Variants in SPG11 observed in about 807,000 individuals in gnomAD.
The protein encoded by SPG11 is SPG11 vesicle trafficking associated, spatacsin, also known as spatacsin.
A neutral mutation model predicts 274.0 loss-of-function variants in SPG11; 222 were observed. That is an observed-to-expected ratio of 0.81 (90% CI 0.73 to 0.91). SPG11 has a LOEUF of 0.91. SPG11 is among the 40% of genes least tolerant of loss of function. The pLI, the probability that SPG11 is intolerant of heterozygous loss-of-function variation, is 0.00. For missense variants in SPG11, 3,114 were observed against 2,872.7 expected (o/e 1.08, Z -1.92); for synonymous variants, 1,144 against 1,039.7 (o/e 1.10, Z -1.93).
chr15:44,571,234 C>A (rs192288619), intron 33 of SPG11, among the ~76,000 whole-genome samples: 2 of 152,288 alleles, frequency 1.3e-5, no homozygotes, highest in African/African-American at 4.8e-5. Context: ...ATCTGCAGGG[C>A]CCTCTCCAGT....
intron 7 of SPG11, among the ~76,000 whole-genome samples, chr15:44,638,480 A>G (rs1301201786): frequency 6.8e-6 from 1 of 147,112 alleles, no homozygotes; most frequent in East Asian, 2.1e-4. Flanking sequence ...AAACAAACAA[A>G]CAACAAAAAA....
At position 44,589,344 on chromosome 15, in the gene SPG11, A is replaced by C. The variant is rs1260241430; in HGVS notation, c.4814T>G (p.Leu1605Arg). The C allele has an allele frequency of 6.2e-7, 1 of 1,614,180 alleles. No homozygotes were observed. Among genetic ancestry groups the C allele is most frequent in the Admixed American group, 1.7e-5 (1 of 60,016 alleles). Residue 1605 changes from leucine (L) to arginine (R), a missense_variant, in exon 28 of 40, where the codon CTT (leucine) becomes CGT (arginine). Coordinates refer to ENST00000261866, the MANE Select transcript of SPG11 (RefSeq NM_025137.4). The stretch of plus-strand genomic sequence containing the variant: ...ACACTGCTGTAGCATAAGCTTCAAA[A>C]GGAAACACACCTGATCCTCCAGCCA... ...AMWLEDQVCFLLKLMLQQCKT... is the reference protein window; with the variant it reads ...AMWLEDQVCFRLKLMLQQCKT...
intron 12 of SPG11, 87 bp from the exon 13 acceptor site, chr15:44,622,434 T>A (rs1252817803): frequency 4.6e-6 from 5 of 1,092,954 alleles, no homozygotes; most frequent in Non-Finnish European, 6.6e-6. Flanking sequence ...AATAAGGTAG[T>A]GCTGGGAATT....
chr15:44,598,775 T>C lies in SPG11; in HGVS notation c.3748A>G (p.Ile1250Val), dbSNP rs2140978260. ...IGLSSFHIPS[I>V]GAACVCFLEL... ...AAGAAACAAACACATGCAGCTCCTA[T>C]TGAAGGTATGTGGAAGGAGGAGAGC... Residue 1250 changes from isoleucine to valine, a missense_variant, in exon 22 of 40, where the codon ATA (isoleucine) becomes GTA (valine). Physicochemically the swap from Ile to Val is conservative, Grantham distance 29. Transcript: ENST00000261866. The C allele has an allele frequency of 1.2e-6, 2 of 1,614,184 alleles. No individual in the cohort carries two copies. The highest frequency in any genetic ancestry group is 1.7e-5 in the Admixed American group (1 of 60,020).
chr15:44,584,202 GATCTGTCGAGAAA>G lies in SPG11; in HGVS notation c.5465_5477del (p.Phe1822SerfsTer12), dbSNP rs1567138536. The G allele has an allele frequency of 6.2e-7, 1 of 1,614,232 alleles. No homozygotes were observed. Among genetic ancestry groups the G allele is most frequent in the Non-Finnish European group, 8.5e-7 (1 of 1,180,038 alleles). ...CAAAGGAAAGTTCACCACTAGTTGAGATCTGTCGAGAAAATCTGGGCTCTGTTTCCTCCTGATT... is the reference window on the plus strand; with the variant it reads ...CAAAGGAAAGTTCACCACTAGTTGAGATCTGGGCTCTGTTTCCTCCTGATT... On this transcript the variant is annotated frameshift_variant, in exon 30 of 40. Transcript: ENST00000261866. LOFTEE classifies it high-confidence loss of function.
At chr15:44,586,949 A>C (rs1299654644) in intron 28 of SPG11, among the ~76,000 whole-genome samples, 1 of 152,232 alleles carries the variant, frequency 6.6e-6, no homozygotes, top group Non-Finnish European at 1.5e-5. Flanking sequence ...TTCAGAATGA[A>C]GCATCACTTG....
chr15:44,607,903 T>G (rs1474886126), intron 19 of SPG11, among the ~76,000 whole-genome samples: 1 of 152,210 alleles, frequency 6.6e-6, no homozygotes, highest in Non-Finnish European at 1.5e-5. Flanking sequence ...GAGAAGCTTT[T>G]GATGAAAACA....
chr15:44,663,651 G>T lies in SPG11; in HGVS notation c.-4C>A, dbSNP rs373060702. On this transcript the variant is annotated 5_prime_UTR_variant, in exon 1 of 40. Coordinates refer to ENST00000261866, the MANE Select transcript of SPG11 (RefSeq NM_025137.4). The stretch of plus-strand genomic sequence containing the variant: ...CGACCCCTTCCTCTGCAGCCATCTT[G>T]GCCCGGCGGTTACTTCCGGTCACTT... The T allele has an allele frequency of 4.0e-5, 64 of 1,590,958 alleles. No homozygotes were observed. Among genetic ancestry groups the T allele is most frequent in the Non-Finnish European group, 5.1e-5 (60 of 1,175,150 alleles).
intron 20 of SPG11, among the ~76,000 whole-genome samples, chr15:44,603,488 A>G (rs1446617805): frequency 6.6e-6 from 1 of 152,228 alleles, no homozygotes; most frequent in Non-Finnish European, 1.5e-5. Flanking sequence ...GTATTCATAG[A>G]GCATGAATAT....
intron 28 of SPG11, among the ~76,000 whole-genome samples, chr15:44,586,423 A>C (rs1186415885): frequency 5.9e-5 from 9 of 151,922 alleles, no homozygotes; most frequent in Admixed American, 5.2e-4. Context: ...AGGTGGGTGG[A>C]TCACTTGAGG....
At chr15:44,615,619 G>A in intron 15 of SPG11, 53 bp from the exon 16 acceptor site, 7 of 1,511,092 alleles carry the variant, frequency 4.6e-6, no homozygotes, top group Non-Finnish European at 6.4e-6. Flanking sequence ...GTTCAGAGTA[G>A]ACCAAATCAT....
At chr15:44,633,733 G>A in intron 7 of SPG11, 96 bp from the exon 8 acceptor site, 1 of 1,348,330 alleles carries the variant, frequency 7.4e-7, no homozygotes, top group Non-Finnish European at 1.0e-6. Flanking sequence ...ATTTAATGTG[G>A]TGAGACTACA....
chr15:44,657,043 C>A, intron 4 of SPG11, 52 bp downstream of exon 4: 1 of 1,513,340 alleles, frequency 6.6e-7, no homozygotes, highest in South Asian at 1.2e-5. Flanking sequence ...TTTTTAACCT[C>A]TTATCAGTCT....
In SPG11 at chr15:44,660,502, T is replaced by A; in HGVS notation, c.372A>T (p.Arg124Ser). ...AGCTATACAAAATGGTTGCATCACA[T>A]CTTCCATCTTTCAAATTAAATTCAT... Reference protein sequence around the residue: ...LIYEFNLKDGRCDATILYSCS... With the variant: ...LIYEFNLKDGSCDATILYSCS... Residue 124 changes from arginine (R) to serine (S), a missense_variant, in exon 2 of 40, where the codon AGA becomes AGT. Physicochemically the swap from Arg to Ser is moderately radical, Grantham distance 110. Transcript: ENST00000261866. 1 of 1,614,158 alleles carries A rather than the reference T, an allele frequency of 6.2e-7. No homozygotes were observed. The highest frequency in any genetic ancestry group is 8.5e-7 in the Non-Finnish European group (1 of 1,179,992).
chr15:44,609,895 A>ATTT (rs771457335), intron 18 of SPG11, among the ~76,000 whole-genome samples: 54 of 106,086 alleles, frequency 5.1e-4, no homozygotes, highest in African/African-American at 9.5e-4. Flanking sequence ...TGCCCAGCTA[A>ATTT]TTTTTTTTTT....
intron 10 of SPG11, 78 bp downstream of exon 10, chr15:44,628,591 G>T: frequency 7.5e-7 from 1 of 1,336,964 alleles, no homozygotes; most frequent in Non-Finnish European, 1.1e-6. Flanking sequence ...TATAGAGTCT[G>T]AATTCTGTTT....
At chr15:44,580,776 C>A (rs540186432) in intron 30 of SPG11, among the ~76,000 whole-genome samples, 1 of 152,166 alleles carries the variant, frequency 6.6e-6, no homozygotes, top group Non-Finnish European at 1.5e-5. Flanking sequence ...GGTGACAAAG[C>A]GAGACTCCGT....
chr15:44,566,097 G>GT, intron 37 of SPG11, 88 bp from the exon 38 acceptor site: 1 of 1,594,558 alleles, frequency 6.3e-7, no homozygotes, highest in Non-Finnish European at 8.6e-7. Flanking sequence ...CACCCCTTCT[G>GT]TTCCTGGTTG....
intron 23 of SPG11, chr15:44,597,295 A>G (rs903869151): frequency 1.8e-5 from 5 of 276,574 alleles, no homozygotes; most frequent in South Asian, 1.5e-4. Flanking sequence ...TATTTTTACT[A>G]AAGACGGGGT....
Sources: gnomAD v4.1 joint callset for allele counts (sites outside exome capture counted in the v4.1 genomes callset) on GRCh38, gnomAD v4.1.1 for gene constraint, MANE v1.5 for transcripts, NCBI Gene and HGNC (gene_info 2026-07-23, HGNC 2026-07-21) for gene names.